TPR: variants seen among roughly 807,000 people sequenced by gnomAD.
TPR encodes nucleoprotein TPR.
A neutral mutation model predicts 316.1 loss-of-function variants in TPR; 51 were observed. The ratio of observed to expected loss-of-function variants is 0.16; its 90% CI spans 0.13 to 0.20. The LOEUF (loss-of-function observed/expected upper bound fraction) is 0.20. Ranked by LOEUF, TPR falls within the 10% of genes least tolerant of loss-of-function variation. The pLI is 1.00. For missense variants in TPR, 2,272 were observed against 2,754.8 expected, an observed-to-expected ratio of 0.82 and a Z score of 3.92; for synonymous variants, 981 against 914.7, an observed-to-expected ratio of 1.07 and a Z score of -1.31.
intron 2 of TPR, 87 bp downstream of exon 2, chr1:186,373,272 G>C (rs1399031261): frequency 3.8e-6 from 3 of 797,816 alleles, no homozygotes; most frequent in Non-Finnish European, 5.7e-6. Flanking sequence ...TTCATGTTTA[G>C]TAAGCAAATG....
At chr1:186,326,283 A>C in intron 40 of TPR, 48 bp from the exon 41 acceptor site, 2 of 1,556,348 alleles carry the variant, frequency 1.3e-6, no homozygotes, top group Non-Finnish European at 1.7e-6. Context: ...AATATGGCCC[A>C]CATGCTCTGC....
At chr1:186,322,279 T>G (rs760874729) in intron 45 of TPR, 39 bp downstream of exon 45, 18 of 1,546,100 alleles carry the variant, frequency 1.2e-5, no homozygotes, top group Non-Finnish European at 1.4e-5. Context: ...ACTAAAAGTT[T>G]GATTAGTTAT....
At chr1:186,374,779 T>C (rs1489449103) in intron 1 of TPR, 99 bp downstream of exon 1, 1 of 1,301,070 alleles carries the variant, frequency 7.7e-7, no homozygotes, top group Non-Finnish European at 1.1e-6. Context: ...GAAGTGAGGT[T>C]AACAGAGCGG....
intron 27 of TPR, chr1:186,343,030 C>A: frequency 4.1e-6 from 1 of 246,676 alleles, no homozygotes; most frequent in Non-Finnish European, 7.7e-6. Flanking sequence ...CTCAATTAAA[C>A]CTCATTATTA....
Position 186,347,460 on chromosome 1 carries a change from TA to T in TPR, c.2777-3del. On this transcript the variant is annotated splice_region_variant and splice_polypyrimidine_tract_variant and intron_variant, in intron 21 of 50. Transcript: ENST00000367478. Reference sequence around the variant, plus strand: ...CATCTTCTTTGTTGCTAGGCTGACCTAAAAGACATAACAGCTCTGTTAAAAT... The same window carrying T: ...CATCTTCTTTGTTGCTAGGCTGACCTAAAGACATAACAGCTCTGTTAAAAT... 6.2e-7 allele frequency: 1 copy of T among 1,613,372 alleles called. No homozygotes were observed.
intron 17 of TPR, chr1:186,354,096 C>T (rs940784972): frequency 4.7e-5 from 17 of 360,644 alleles, no homozygotes; most frequent in Middle Eastern, 7.7e-4. Flanking sequence ...AAACAGCATG[C>T]TTATGTAAAA....
intron 42 of TPR, chr1:186,325,558 T>A: frequency 7.0e-6 from 3 of 431,480 alleles, no homozygotes; most frequent in Non-Finnish European, 1.2e-5. Flanking sequence ...AGCAGCCCAA[T>A]GAGGCAGAAA....
Position 186,360,892 on chromosome 1 carries a change from T to C in TPR, c.972A>G (p.Ile324Met), listed in dbSNP as rs775440002. The C allele has an allele frequency of 5.6e-6, 9 of 1,609,982 alleles. No homozygotes were observed. The East Asian group carries it at 2.0e-4, about 36-fold the overall frequency. The change falls in exon 10 of 51, where the codon ATA becomes ATG. Residue 324 changes from isoleucine (I) to methionine (M), a missense_variant. By Grantham distance (10) the Ile-to-Met change is conservative. Coordinates refer to ENST00000367478, the MANE Select transcript of TPR (RefSeq NM_003292.3). Reference sequence around the variant, plus strand: ...GCTCCACCTCTAGAAGATGATCTTGTATTGCTTTGTTGGCTAAAAAACAAT... The same window carrying C: ...GCTCCACCTCTAGAAGATGATCTTGCATTGCTTTGTTGGCTAAAAAACAAT... Reference protein sequence around the residue: ...LKEAGEANKAIQDHLLEVEQS... With the variant: ...LKEAGEANKAMQDHLLEVEQS...
chr1:186,360,005 A>G lies in TPR; in HGVS notation c.1192-9T>C. 6.2e-7 allele frequency: 1 copy of G among 1,602,184 alleles called. No homozygotes were observed. The highest frequency in any genetic ancestry group is 1.1e-5 in the South Asian group (1 of 88,282). Reference sequence around the variant, plus strand: ...ACATAAGCATTATAGAGCTGAAAGTAGACAAAGGGTTGTTTCAAATCTAAC... The same window carrying G: ...ACATAAGCATTATAGAGCTGAAAGTGGACAAAGGGTTGTTTCAAATCTAAC... On this transcript the variant is annotated splice_polypyrimidine_tract_variant and intron_variant, in intron 11 of 50. Coordinates refer to ENST00000367478, the MANE Select transcript of TPR (RefSeq NM_003292.3).
intron 13 of TPR, 80 bp downstream of exon 13, chr1:186,358,463 T>A: frequency 9.4e-7 from 1 of 1,059,520 alleles, no homozygotes; most frequent in Non-Finnish European, 1.4e-6. Flanking sequence ...TAGTTCTATC[T>A]TAGGTACCTT....
intron 30 of TPR, among the ~76,000 whole-genome samples, chr1:186,338,732 A>G (rs1658412394): frequency 6.6e-6 from 1 of 152,196 alleles, no homozygotes; most frequent in Non-Finnish European, 1.5e-5. Context: ...CATGGGCCAC[A>G]TTTGGTCTAT....
rs557353094 is a variant in TPR at position 186,362,184 on chromosome 1, T to C, written c.789+104A>G. The C allele has an allele frequency of 1.3e-4, 122 of 920,212 alleles. 1 individual carries two copies. The Admixed American group carries it at 2.9e-3, about 22-fold the overall frequency. 57.0% of individuals were successfully genotyped at this position (920,212 alleles called of 1,614,324 possible). A position where few individuals can be genotyped will look rare whatever the true frequency, so the allele number is the denominator to read the frequency against. ...TATGGAAGGAGGACTCTCACTGTTT[T>C]ATGGGGCCAAGGACAGATTAAAAAA... On this transcript the variant is annotated intron_variant, in intron 7 of 50. Coordinates refer to ENST00000367478, the MANE Select transcript of TPR (RefSeq NM_003292.3).
intron 35 of TPR, 59 bp downstream of exon 35, chr1:186,335,009 C>G (rs1214510907): frequency 4.0e-6 from 6 of 1,518,708 alleles, no homozygotes; most frequent in Admixed American, 1.9e-5. Flanking sequence ...AGAAAGATCA[C>G]TAGATATTCC....
chr1:186,367,256 G>A (rs548719794), intron 4 of TPR, among the ~76,000 whole-genome samples: 1 of 151,784 alleles, frequency 6.6e-6, no homozygotes, highest in South Asian at 2.1e-4. Context: ...TAGTAGAGAC[G>A]GGGTTTCACC....
chr1:186,343,470 A>G lies in TPR; in HGVS notation c.3606T>C (p.Phe1202=). 1 of 1,609,456 alleles carries G rather than the reference A, an allele frequency of 6.2e-7. No homozygotes were observed. Among genetic ancestry groups the G allele is most frequent in the Non-Finnish European group, 8.5e-7 (1 of 1,178,862 alleles). Residue 1202 remains phenylalanine (F), a synonymous_variant, in exon 27 of 51, where the codon TTT becomes TTC. Transcript: ENST00000367478. ...SQEQILEILR[F]IRREKEIAET... The stretch of plus-strand genomic sequence containing the variant: ...CAGCAATTTCTTTTTCTCGTCGTAT[A>G]AATCTACAAAAATACAGATATTAAA...
At position 186,346,173 on chromosome 1, in the gene TPR, C is replaced by A; in HGVS notation, c.3058G>T (p.Asp1020Tyr). Residue 1020 changes from aspartate (D) to tyrosine (Y), a missense_variant, in exon 23 of 51, where the codon GAT becomes TAT. By Grantham distance (160) the Asp-to-Tyr change is radical (BLOSUM62 -3). Coordinates refer to ENST00000367478, the MANE Select transcript of TPR (RefSeq NM_003292.3). ...EVEKEKQELQ[D>Y]DKRRAIESME... ...CTCTCTATGGCTCTTCTTTTATCAT[C>A]CTGAAGTTCTTGTTTTTCCTTCTCT... 6.2e-7 allele frequency: 1 copy of A among 1,613,064 alleles called. No homozygotes were observed.
chr1:186,351,442 G>A lies in TPR; in HGVS notation c.2498C>T (p.Thr833Ile). ...QGILERSETE[T>I]KQRLSSQIEK... ...TATCTGGCTACTAAGCCTTTGTTTG[G>A]TTTCTGTTTCAGATCGCTCCAGTAT... is the stretch of plus-strand genomic sequence containing the variant. Residue 833 changes from threonine to isoleucine, a missense_variant, in exon 20 of 51, where the codon ACC (threonine) becomes ATC (isoleucine). This residue lies in a region of TPR where 757 missense variants were observed against 859.8 expected (regional missense o/e 0.88). Transcript: ENST00000367478. The A allele has an allele frequency of 1.2e-6, 2 of 1,608,826 alleles. No individual in the cohort carries two copies. Among genetic ancestry groups the A allele is most frequent in the Non-Finnish European group, 8.5e-7 (1 of 1,177,770 alleles).
chr1:186,337,067 G>C lies in TPR; in HGVS notation c.4452C>G (p.Asn1484Lys). 6.2e-7 allele frequency: 1 copy of C among 1,613,852 alleles called. No individual in the cohort carries two copies. Among genetic ancestry groups the C allele is most frequent in the East Asian group, 2.2e-5 (1 of 44,854 alleles). The change falls in exon 32 of 51, where the codon AAC becomes AAG. Residue 1484 changes from asparagine (N) to lysine (K), a missense_variant. By Grantham distance (94) the Asn-to-Lys change is moderately conservative. Around this residue, in one of 10 missense-constraint regions of TPR, gnomAD observed 101 missense variants for 113.0 expected, o/e 0.89. Coordinates refer to ENST00000367478, the MANE Select transcript of TPR (RefSeq NM_003292.3). ...GTGATTTTGATTTTGTTTCAGCTTG[G>C]TTGAGCGTTTCTTTGAGTTCCTGCA... ...QEMQELKETLNQAETKSKSLE... is the reference protein window; with the variant it reads ...QEMQELKETLKQAETKSKSLE...
chr1:186,357,702 T>A, intron 13 of TPR, 79 bp from the exon 14 acceptor site: 2 of 1,257,776 alleles, frequency 1.6e-6, no homozygotes, highest in Non-Finnish European at 2.2e-6. Flanking sequence ...GTTTTCAAAT[T>A]AAAACATTAC....
Sources: gnomAD v4.1 joint callset for allele counts (sites outside exome capture counted in the v4.1 genomes callset) on GRCh38, gnomAD v4.1.1 for gene constraint, gnomAD v4.1.1 regional missense constraint, MANE v1.5 for transcripts, NCBI Gene and HGNC (gene_info 2026-07-23, HGNC 2026-07-21) for gene names.